Variants in CCNY observed in about 807,000 individuals in gnomAD.
The protein encoded by CCNY is cyclin Y.
A neutral mutation model predicts 42.8 loss-of-function variants in CCNY; 19 were observed. The ratio of observed to expected loss-of-function variants is 0.44; its 90% CI spans 0.31 to 0.65. The LOEUF is 0.65. CCNY is among the 30% of genes least tolerant of loss of function. CCNY has a pLI of 0.07. For missense variants in CCNY, 370 were observed against 437.3 expected (o/e 0.85, Z 1.37); for synonymous variants, 165 against 162.7 (o/e 1.01, Z -0.11).
intron 3 of CCNY, among the ~76,000 whole-genome samples, chr10:35,264,448 CT>C (rs2095722869): frequency 6.6e-6 from 1 of 152,100 alleles, no homozygotes; most frequent in Non-Finnish European, 1.5e-5. Context: ...TAACAAAGTT[CT>C]TTTTTCTCTG....
intron 1 of CCNY, among the ~76,000 whole-genome samples, chr10:35,454,098 C>T (rs778572940): frequency 3.3e-5 from 5 of 152,174 alleles, no homozygotes; most frequent in Admixed American, 6.5e-5. Context: ...TCCCTGACTG[C>T]TTTTACTTTT....
chr10:35,488,874 T>G (rs543263482), intron 2 of CCNY, among the ~76,000 whole-genome samples: 2 of 152,246 alleles, frequency 1.3e-5, no homozygotes, highest in Non-Finnish European at 2.9e-5. Flanking sequence ...ATCACTCCTT[T>G]ATCATCTTGA....
intron 3 of CCNY, among the ~76,000 whole-genome samples, chr10:35,303,427 G>A (rs541924115): frequency 2.7e-5 from 4 of 149,566 alleles, no homozygotes; most frequent in Non-Finnish European, 5.9e-5. Flanking sequence ...TGATCCTCCC[G>A]CCTCAGCCTC....
At chr10:35,389,679 C>T (rs982209601) in intron 1 of CCNY, among the ~76,000 whole-genome samples, 3 of 152,048 alleles carry the variant, frequency 2.0e-5, no homozygotes, top group Admixed American at 6.6e-5. Context: ...CCTTGTGATC[C>T]GCCCACCTTG....
chr10:35,369,246 G>A (rs1265545040), intron 1 of CCNY, among the ~76,000 whole-genome samples: 4 of 152,234 alleles, frequency 2.6e-5, no homozygotes, highest in Admixed American at 2.6e-4. Context: ...AGCGGGACAG[G>A]AACAGAGCAG....
At chr10:35,534,757 C>T (rs1352575051) in intron 7 of CCNY, among the ~76,000 whole-genome samples, 1 of 152,008 alleles carries the variant, frequency 6.6e-6, no homozygotes, top group Non-Finnish European at 1.5e-5. Flanking sequence ...TCTTAGCCTC[C>T]ACCCAGGCCC....
At chr10:35,343,260 A>G (rs1370444297) in intron 1 of CCNY, among the ~76,000 whole-genome samples, 1 of 151,412 alleles carries the variant, frequency 6.6e-6, no homozygotes, top group Non-Finnish European at 1.5e-5. Context: ...AAATGCTGGG[A>G]TTACAGGCAT....
intron 3 of CCNY, among the ~76,000 whole-genome samples, chr10:35,321,577 C>T (rs1835822359): frequency 6.6e-6 from 1 of 152,000 alleles, no homozygotes; most frequent in Admixed American, 6.6e-5. Context: ...ACTTGGAAGG[C>T]TGAGACAGGA....
intron 1 of CCNY, among the ~76,000 whole-genome samples, chr10:35,463,493 T>C (rs1378809934): frequency 6.6e-6 from 1 of 152,186 alleles, no homozygotes; most frequent in Non-Finnish European, 1.5e-5. Flanking sequence ...GACTGAACTC[T>C]AAAGCAGCAT....
intron 3 of CCNY, among the ~76,000 whole-genome samples, chr10:35,307,179 T>C (rs1394918774): frequency 6.6e-6 from 1 of 152,194 alleles, no homozygotes; most frequent in East Asian, 1.9e-4. Context: ...CTCATCAGGC[T>C]GTGGTGCGGG....
intron 1 of CCNY, among the ~76,000 whole-genome samples, chr10:35,422,490 G>T (rs568948444): frequency 1.3e-4 from 20 of 152,314 alleles, no homozygotes; most frequent in African/African-American, 4.8e-4. Flanking sequence ...CATTTGAGAA[G>T]ATTAAATGTG....
intron 1 of CCNY, among the ~76,000 whole-genome samples, chr10:35,379,885 C>A (rs1468859285): frequency 1.3e-5 from 2 of 152,136 alleles, no homozygotes; most frequent in Admixed American, 6.6e-5. Context: ...CTTTGAAATC[C>A]CACTTTACCA....
intron 1 of CCNY, among the ~76,000 whole-genome samples, chr10:35,434,428 G>A (rs191005632): frequency 1.3e-5 from 2 of 152,336 alleles, no homozygotes; most frequent in East Asian, 1.9e-4. Flanking sequence ...CTATGGACAG[G>A]AGAGTTTTGT....
chr10:35,429,812 C>T (rs1301238142), intron 1 of CCNY, among the ~76,000 whole-genome samples: 4 of 152,120 alleles, frequency 2.6e-5, no homozygotes, highest in Non-Finnish European at 5.9e-5. Context: ...TAATAAAAGC[C>T]TTTTAAACAA....
At chr10:35,503,436 C>A (rs1019744319) in intron 3 of CCNY, among the ~76,000 whole-genome samples, 1 of 152,296 alleles carries the variant, frequency 6.6e-6, no homozygotes, top group South Asian at 2.1e-4. Flanking sequence ...CAAATGAGCG[C>A]CATCAGTCCT....
At chr10:35,421,028 A>G (rs991613816) in intron 1 of CCNY, among the ~76,000 whole-genome samples, 1 of 152,208 alleles carries the variant, frequency 6.6e-6, no homozygotes, top group Non-Finnish European at 1.5e-5. Flanking sequence ...CAGCCAGCCC[A>G]GTGGATAGGC....
chr10:35,276,175 C>T (rs1426554864), intron 3 of CCNY, among the ~76,000 whole-genome samples: 2 of 152,188 alleles, frequency 1.3e-5, no homozygotes, highest in Admixed American at 1.3e-4. Flanking sequence ...CTTTAGCCTC[C>T]TAACCATCTT....
chr10:35,533,682 C>T (rs563170160), intron 7 of CCNY, among the ~76,000 whole-genome samples: 1 of 152,376 alleles, frequency 6.6e-6, no homozygotes, highest in East Asian at 1.9e-4. Context: ...CCCTGCTCAT[C>T]ACTTCCTGCT....
At position 35,298,342 on chromosome 10, in the gene CCNY, G is replaced by A. The variant is rs138231646; in HGVS notation, c.-9+47716G>A. On this transcript the variant is annotated intron_variant, in intron 3 of 11. Coordinates refer to the CCNY transcript ENST00000374706. ...AACCCAACTCTTGGCACCAGGGAAT[G>A]ACTGATTTGCTTTGTGTCACTATTG... Among the ~76,000 whole-genome samples, 16 of 152,228 alleles carry A rather than the reference G, an allele frequency of 1.1e-4. No homozygotes were observed. In the East Asian group the frequency reaches 3.1e-3, roughly 29 times the overall value.
Sources: gnomAD v4.1 joint callset for allele counts (sites outside exome capture counted in the v4.1 genomes callset) on GRCh38, gnomAD v4.1.1 for gene constraint, MANE v1.5 for transcripts, NCBI Gene and HGNC (gene_info 2026-07-23, HGNC 2026-07-21) for gene names.